Variants in GRK3 observed in about 807,000 individuals in gnomAD.
GRK3 encodes adrenergic, beta, receptor kinase 2.
A neutral mutation model predicts 95.7 loss-of-function variants in GRK3; 54 were observed. The observed-to-expected ratio is 0.56, with a 90% confidence interval of 0.45 to 0.71. GRK3 has a LOEUF of 0.71. Among genes scored for constraint, GRK3 ranks in the 30% least tolerant of loss-of-function variants. The pLI is 0.00. For missense variants in GRK3, 649 were observed against 851.2 expected (o/e 0.76, Z 2.96); for synonymous variants, 281 against 290.8 (o/e 0.97, Z 0.34).
intron 9 of GRK3, among the ~76,000 whole-genome samples, chr22:25,680,160 T>C (rs925638587): frequency 1.4e-4 from 22 of 152,260 alleles, no homozygotes; most frequent in Non-Finnish European, 2.5e-4. Flanking sequence ...AATAGCATAA[T>C]GTAGCTAAGT....
intron 15 of GRK3, among the ~76,000 whole-genome samples, chr22:25,706,499 TG>T (rs2085301151): frequency 6.6e-6 from 1 of 152,112 alleles, no homozygotes; most frequent in Non-Finnish European, 1.5e-5. Flanking sequence ...TCTCTCGTGG[TG>T]GATTTATTTT....
Position 25,687,592 on chromosome 22 carries a change from G to A in GRK3, c.882G>A (p.Met294Ile). ...SQHGVFSEKE[M>I]RFYATEIILG... Reference sequence around the variant, plus strand: ...ACGGTGTGTTCTCTGAGAAGGAGATGCGGTTTTATGCCACTGAAATCATTC... The same window carrying A: ...ACGGTGTGTTCTCTGAGAAGGAGATACGGTTTTATGCCACTGAAATCATTC... The change falls in exon 11 of 21, where the codon ATG becomes ATA. Residue 294 changes from methionine to isoleucine, a missense_variant. Met to Ile is a conservative substitution (Grantham distance 10, BLOSUM62 1). Transcript: ENST00000324198. 1 of 1,614,122 alleles carries A rather than the reference G, an allele frequency of 6.2e-7. No homozygotes were observed. The highest frequency in any genetic ancestry group is 8.5e-7 in the Non-Finnish European group (1 of 1,179,970).
chr22:25,721,288 A>T lies in GRK3; in HGVS notation c.1796A>T (p.Asn599Ile). 6.4e-7 allele frequency: 1 copy of T among 1,552,530 alleles called. No homozygotes were observed. The highest frequency in any genetic ancestry group is 8.7e-7 in the Non-Finnish European group (1 of 1,145,944). Residue 599 changes from asparagine to isoleucine, a missense_variant, in exon 20 of 21, where the codon AAT becomes ATT. Coordinates refer to ENST00000324198, the MANE Select transcript of GRK3 (RefSeq NM_005160.4). ...EWRGEGESRQNLLTMEQILSV... is the reference protein window; with the variant it reads ...EWRGEGESRQILLTMEQILSV... ...AATTTCTGTTTTTATGGTTAGCAAA[A>T]TTTACTGACAATGGAACAGATTCTC...
At chr22:25,619,102 T>A (rs1333619586) in intron 2 of GRK3, among the ~76,000 whole-genome samples, 2 of 152,198 alleles carry the variant, frequency 1.3e-5, no homozygotes, top group African/African-American at 4.8e-5. Flanking sequence ...TACTTGAAAC[T>A]GAGACTCCCT....
At chr22:25,714,364 A>G in intron 17 of GRK3, 44 bp from the exon 18 acceptor site, 1 of 1,562,658 alleles carries the variant, frequency 6.4e-7, no homozygotes, top group Non-Finnish European at 8.7e-7. Context: ...TTACCTTTGT[A>G]AGTATGTTAA....
chr22:25,568,372 C>T (rs749206628), intron 1 of GRK3, among the ~76,000 whole-genome samples: 2 of 151,696 alleles, frequency 1.3e-5, no homozygotes, highest in Non-Finnish European at 1.5e-5. Flanking sequence ...TAGTTGAAGG[C>T]GGTTGAGTAA....
At chr22:25,605,649 C>T (rs1315207623) in intron 2 of GRK3, among the ~76,000 whole-genome samples, 8 of 152,308 alleles carry the variant, frequency 5.3e-5, no homozygotes, top group South Asian at 4.1e-4. Context: ...GTGTATTCAC[C>T]GTCATACAAC....
chr22:25,687,049 A>G (rs1185249906), intron 10 of GRK3, among the ~76,000 whole-genome samples: 1 of 151,384 alleles, frequency 6.6e-6, no homozygotes, highest in Non-Finnish European at 1.5e-5. Context: ...CGAACTCCTG[A>G]CCTCAAGTGA....
intron 13 of GRK3, among the ~76,000 whole-genome samples, chr22:25,697,111 C>A (rs1312536596): frequency 6.6e-6 from 1 of 152,200 alleles, no homozygotes; most frequent in East Asian, 1.9e-4. Flanking sequence ...AACTGTGCAA[C>A]AGCTGAACTG....
rs2084798971 is a variant in GRK3, at chr22:25,648,042, G to A, written c.264+3377G>A. On this transcript the variant is annotated intron_variant, in intron 3 of 20. Transcript: ENST00000324198. ...GAGGCAGCAGAATCACTTGAACCTGGGAGGCGGAGGTTGCAGTGAGCTGAG... is the reference window on the plus strand; with the variant it reads ...GAGGCAGCAGAATCACTTGAACCTGAGAGGCGGAGGTTGCAGTGAGCTGAG... The A allele has an allele frequency of 2.4e-5, 12 of 506,450 alleles. No individual in the cohort carries two copies. The South Asian group carries it at 2.5e-4, about 11-fold the overall frequency. The allele number at this position is 506,450 out of a possible 1,614,324, so 31.4% of individuals were successfully genotyped here.
At chr22:25,695,292 G>C in intron 13 of GRK3, 78 bp downstream of exon 13, 1 of 955,224 alleles carries the variant, frequency 1.0e-6, no homozygotes, top group Non-Finnish European at 1.7e-6. Context: ...ATGTAGAAAT[G>C]ACTAGACGCT....
chr22:25,720,271 T>C (rs1260041526), intron 19 of GRK3, among the ~76,000 whole-genome samples: 1 of 152,178 alleles, frequency 6.6e-6, no homozygotes, highest in African/African-American at 2.4e-5. Flanking sequence ...GTTCAACATT[T>C]AGTGTTCTAT....
rs114551459 is a variant in GRK3, at chr22:25,616,600, C to G, written c.190+12147C>G. Among the ~76,000 whole-genome samples the G allele has an allele frequency of 1.5e-3, 224 of 152,268 alleles. 1 individual carries two copies. The highest frequency in any genetic ancestry group is 4.8e-3 in the African/African-American group (198 of 41,534). On this transcript the variant is annotated intron_variant, in intron 2 of 20. Coordinates refer to ENST00000324198, the MANE Select transcript of GRK3 (RefSeq NM_005160.4). ...CATACATCCAAAACATTTCAGAGAC[C>G]TCTTAGAAAGCTAAAGGCTGTGAGA...
intron 4 of GRK3, among the ~76,000 whole-genome samples, chr22:25,662,448 T>C (rs2084915525): frequency 6.6e-6 from 1 of 152,232 alleles, no homozygotes; most frequent in Non-Finnish European, 1.5e-5. Flanking sequence ...GCTTTTGTAT[T>C]GGATGGCACA....
intron 2 of GRK3, among the ~76,000 whole-genome samples, chr22:25,620,755 G>A (rs148701202): frequency 6.6e-6 from 1 of 152,160 alleles, no homozygotes; most frequent in Non-Finnish European, 1.5e-5. Context: ...GAAGAATGGC[G>A]TGTCCTTGTG....
chr22:25,705,721 A>G (rs1346178520), intron 15 of GRK3, among the ~76,000 whole-genome samples: 1 of 152,096 alleles, frequency 6.6e-6, no homozygotes, highest in African/African-American at 2.4e-5. Flanking sequence ...GAGGTGCTCT[A>G]TTTCTGCTGA....
At chr22:25,716,030 A>G (rs937772406) in intron 18 of GRK3, among the ~76,000 whole-genome samples, 3 of 152,100 alleles carry the variant, frequency 2.0e-5, no homozygotes, top group Non-Finnish European at 4.4e-5. Flanking sequence ...ACTGTCACCC[A>G]GGTTGGAGTG....
At chr22:25,708,773 T>C (rs924758977) in intron 15 of GRK3, among the ~76,000 whole-genome samples, 2 of 151,608 alleles carry the variant, frequency 1.3e-5, no homozygotes, top group Non-Finnish European at 2.9e-5. Flanking sequence ...GCAAATCTCC[T>C]GCCTCAGCCT....
intron 1 of GRK3, among the ~76,000 whole-genome samples, chr22:25,590,308 A>G (rs1932449108): frequency 1.4e-5 from 2 of 147,406 alleles, no homozygotes; most frequent in South Asian, 4.3e-4. Context: ...TCATTTCTCT[A>G]TTTTTTTTTT....
Sources: gnomAD v4.1 joint callset for allele counts (sites outside exome capture counted in the v4.1 genomes callset) on GRCh38, gnomAD v4.1.1 for gene constraint, MANE v1.5 for transcripts, NCBI Gene and HGNC (gene_info 2026-07-23, HGNC 2026-07-21) for gene names.